ATP8B4: variants seen among roughly 807,000 people sequenced by gnomAD.
ATP8B4 encodes probable phospholipid-transporting ATPase IM.
ATP8B4 carries 133 observed loss-of-function variants against 145.6 expected under a neutral mutation model. The ratio of observed to expected loss-of-function variants is 0.91; its 90% CI spans 0.79 to 1.05. ATP8B4 has a LOEUF of 1.05. ATP8B4 is among the 50% of genes least tolerant of loss of function. The pLI is 0.00. For missense variants in ATP8B4, 1,458 were observed against 1,425.2 expected, an observed-to-expected ratio of 1.02 and a Z score of -0.37; for synonymous variants, 507 against 492.9, an observed-to-expected ratio of 1.03 and a Z score of -0.38.
At chr15:50,017,578 A>AT (rs1405144546) in intron 6 of ATP8B4, among the ~76,000 whole-genome samples, 1 of 152,196 alleles carries the variant, frequency 6.6e-6, no homozygotes, top group Non-Finnish European at 1.5e-5. Flanking sequence ...CCTATGTTAT[A>AT]TTTTTTCATT....
upstream of ATP8B4, among the ~76,000 whole-genome samples, chr15:50,119,752 CTT>C (rs572570694): frequency 0.093 from 8,549 of 91,464 alleles, 396 homozygotes; most frequent in Middle Eastern, 0.12. Context: ...GTTTTTGTCA[CTT>C]TTTTTTTTTT....
At chr15:50,004,788 G>A (rs1414567778) in intron 7 of ATP8B4, among the ~76,000 whole-genome samples, 1 of 152,012 alleles carries the variant, frequency 6.6e-6, no homozygotes, top group African/African-American at 2.4e-5. Context: ...CATACAGTAT[G>A]AGGCATATAC....
intron 1 of ATP8B4, among the ~76,000 whole-genome samples, chr15:50,126,869 C>T (rs1048448692): frequency 2.0e-5 from 3 of 151,420 alleles, no homozygotes; most frequent in African/African-American, 7.4e-5. Context: ...CCCCCACACC[C>T]CCCCGCCACC....
At chr15:50,115,772 G>A (rs1377646357) in intron 1 of ATP8B4, among the ~76,000 whole-genome samples, 5 of 152,146 alleles carry the variant, frequency 3.3e-5, no homozygotes, top group Non-Finnish European at 5.9e-5. Context: ...AACTTGACAC[G>A]TGTTGTCTTA....
chr15:49,887,493 C>CA (rs2036331784), intron 23 of ATP8B4, among the ~76,000 whole-genome samples: 1 of 152,070 alleles, frequency 6.6e-6, no homozygotes, highest in African/African-American at 2.4e-5. Flanking sequence ...AGGAGTCCCA[C>CA]AAAAAACCAT....
chr15:50,154,301 T>C (rs2153681108), intron 1 of ATP8B4, among the ~76,000 whole-genome samples: 1 of 152,276 alleles, frequency 6.6e-6, no homozygotes, highest in Non-Finnish European at 1.5e-5. Flanking sequence ...CCATGACTTT[T>C]TTTACATCTC....
At chr15:49,970,823 A>G (rs1160758318) in intron 13 of ATP8B4, among the ~76,000 whole-genome samples, 2 of 152,212 alleles carry the variant, frequency 1.3e-5, no homozygotes, top group East Asian at 3.8e-4. Context: ...AGACAATCCT[A>G]AGCAAAAAGA....
chr15:49,919,415 CCTTT>C (rs1245539112), intron 18 of ATP8B4, among the ~76,000 whole-genome samples: 1 of 152,040 alleles, frequency 6.6e-6, no homozygotes, highest in Non-Finnish European at 1.5e-5. Context: ...TTTTCCTTTT[CCTTT>C]CTTTCTTTTT....
chr15:49,938,504 A>G (rs1006609834), intron 14 of ATP8B4, among the ~76,000 whole-genome samples: 1 of 152,188 alleles, frequency 6.6e-6, no homozygotes, highest in Non-Finnish European at 1.5e-5. Context: ...CAGTAAAAAA[A>G]CAAAGAAGGG....
chr15:49,912,394 A>G (rs574616646), intron 20 of ATP8B4, among the ~76,000 whole-genome samples: 8 of 152,306 alleles, frequency 5.3e-5, no homozygotes, highest in African/African-American at 1.9e-4. Context: ...AAGAACAACT[A>G]TATGCTAACT....
intron 6 of ATP8B4, among the ~76,000 whole-genome samples, chr15:50,019,540 T>A (rs1369601830): frequency 1.3e-5 from 2 of 152,228 alleles, no homozygotes; most frequent in Admixed American, 1.3e-4. Context: ...GTGACTATTT[T>A]TTATTATTAT....
At chr15:49,961,208 T>C (rs571459633) in intron 14 of ATP8B4, among the ~76,000 whole-genome samples, 3 of 152,242 alleles carry the variant, frequency 2.0e-5, no homozygotes, top group South Asian at 2.1e-4. Flanking sequence ...ATGTTGACCC[T>C]ACTTATAACA....
intron 6 of ATP8B4, among the ~76,000 whole-genome samples, chr15:50,014,751 C>T (rs927174789): frequency 1.3e-5 from 2 of 152,136 alleles, no homozygotes; most frequent in Non-Finnish European, 2.9e-5. Context: ...ATTCATGTAT[C>T]TTATCTCATT....
chr15:50,003,835 ACACT>A (rs1241495063), intron 7 of ATP8B4, among the ~76,000 whole-genome samples: 2 of 152,132 alleles, frequency 1.3e-5, no homozygotes, highest in Non-Finnish European at 2.9e-5. Context: ...GGCTGCACTG[ACACT>A]CACACCATGG....
chr15:50,003,110 T>C (rs1326721278), intron 7 of ATP8B4, among the ~76,000 whole-genome samples: 3 of 152,236 alleles, frequency 2.0e-5, no homozygotes, highest in Admixed American at 1.3e-4. Flanking sequence ...TCTAGCTATG[T>C]CTGAATGTAT....
At chr15:50,102,658 T>C (rs780986422) in intron 2 of ATP8B4, among the ~76,000 whole-genome samples, 9 of 151,918 alleles carry the variant, frequency 5.9e-5, no homozygotes, top group Non-Finnish European at 1.0e-4. Flanking sequence ...ATGAATTCTA[T>C]CAGACATTCA....
rs754324504 is a variant in ATP8B4, at chr15:49,897,534, C to T, written c.2474-19G>A. ...TGAGCACCTACAAAGGAAAGAGGAA[C>T]ACTGTCACTCCCAAAACAAAGCCAC... On this transcript the variant is annotated intron_variant, in intron 22 of 27. Transcript: ENST00000284509. 1.2e-5 allele frequency: 18 copies of T among 1,479,454 alleles called. No homozygotes were observed. Among genetic ancestry groups the T allele is most frequent in the Admixed American group, 4.8e-5 (2 of 41,718 alleles). The allele number at this position is 1,479,454 out of a possible 1,614,324, so 91.6% of individuals were successfully genotyped here.
chr15:50,079,606 T>C (rs1424761836), intron 2 of ATP8B4, among the ~76,000 whole-genome samples: 3 of 152,224 alleles, frequency 2.0e-5, no homozygotes, highest in South Asian at 2.1e-4. Flanking sequence ...AAGGAAGTCA[T>C]TGTTTGATAT....
intron 3 of ATP8B4, among the ~76,000 whole-genome samples, chr15:50,047,926 C>T (rs1055972722): frequency 7.2e-5 from 11 of 152,178 alleles, no homozygotes; most frequent in African/African-American, 1.2e-4. Context: ...CTGACTGCCT[C>T]GCAAGGCAGC....
Sources: allele counts gnomAD v4.1 joint callset (sites outside exome capture counted in the v4.1 genomes callset), GRCh38; gene constraint gnomAD v4.1.1; transcripts MANE v1.5; gene names NCBI Gene and HGNC (gene_info 2026-07-23, HGNC 2026-07-21).